PLEKHG3: variants seen among roughly 807,000 people sequenced by gnomAD.
The protein encoded by PLEKHG3 is pleckstrin homology domain-containing family G member 3.
Under a neutral mutation model 94.9 loss-of-function variants are expected in PLEKHG3, and 62 were observed. The observed-to-expected ratio is 0.65, with a 90% CI of 0.53 to 0.81. The LOEUF (loss-of-function observed/expected upper bound fraction) is 0.81. Among genes scored for constraint, PLEKHG3 ranks in the 30% least tolerant of loss-of-function variants. The probability of loss-of-function intolerance (pLI) is 0.00; values close to 1 mark genes in which losing one functional copy is unlikely to be tolerated. For missense variants in PLEKHG3, 1,461 were observed against 1,619.3 expected (o/e 0.90, Z 1.68); for synonymous variants, 614 against 654.0 (o/e 0.94, Z 0.93).
At position 64,750,108 on chromosome 14, in the gene PLEKHG3, A is replaced by T; in HGVS notation, c.*6405A>T. ...GCCAGGTTCTTGGCATCCTTGTAGA[A>T]GGTTAGCTCACTGTTCCTGAGCACA... is the stretch of plus-strand genomic sequence containing the variant. On this transcript the variant is annotated 3_prime_UTR_variant, in exon 17 of 17. Transcript: ENST00000247226. 1 of 1,614,194 alleles carries T rather than the reference A, an allele frequency of 6.2e-7. No homozygotes were observed. The highest frequency in any genetic ancestry group is 1.1e-5 in the South Asian group (1 of 91,086).
At chr14:64,712,764 A>G (rs535441257) in intron 1 of PLEKHG3, among the ~76,000 whole-genome samples, 1 of 152,222 alleles carries the variant, frequency 6.6e-6, no homozygotes, top group Admixed American at 6.5e-5. Flanking sequence ...ATGAATAGAG[A>G]TTGTTTTATT....
At position 64,721,129 on chromosome 14, in the gene PLEKHG3, C is replaced by T. The variant is rs1002364544; in HGVS notation, c.-39-6464C>T. Among the ~76,000 whole-genome samples, 1 of 152,126 alleles carries T rather than the reference C, an allele frequency of 6.6e-6. No homozygotes were observed. Among genetic ancestry groups the T allele is most frequent in the Admixed American group, 6.5e-5 (1 of 15,280 alleles). ...GGTTGAGGGTCAGGCTGTAGATATC[C>T]TTGGGTGGGGGCATTATTCAGCTTA... On this transcript the variant is annotated intron_variant, in intron 1 of 16. Coordinates refer to ENST00000247226, the MANE Select transcript of PLEKHG3 (RefSeq NM_001308147.2). This position sits in a 1 kb window ranked among gnomAD's most constrained non-coding sequence, Gnocchi z 4.3.
At chr14:64,712,410 TTTG>T (rs1045415275) in intron 1 of PLEKHG3, among the ~76,000 whole-genome samples, 2 of 152,214 alleles carry the variant, frequency 1.3e-5, no homozygotes, top group African/African-American at 4.8e-5. Context: ...TTTAGATTGG[TTTG>T]TTGAGTATTG....
chr14:64,741,365 G>A lies in PLEKHG3; in HGVS notation c.1848G>A (p.Arg616=). 5.6e-6 allele frequency: 9 copies of A among 1,613,494 alleles called. No homozygotes were observed. Among genetic ancestry groups the A allele is most frequent in the South Asian group, 2.2e-5 (2 of 91,080 alleles). Residue 616 remains arginine (R), a synonymous_variant, in exon 16 of 17, where the codon CGG becomes CGA. Coordinates refer to ENST00000247226, the MANE Select transcript of PLEKHG3 (RefSeq NM_001308147.2). ...AERFVSSFSR[R]SSVAQEDSKS... ...GATTTGTCAGCAGCTTCTCTCGGCG[G>A]AGCAGCGTGGCACAGGAGGACAGCA...
chr14:64,732,055 A>G lies in PLEKHG3; in HGVS notation c.1126-40A>G, dbSNP rs2081477501. On this transcript the variant is annotated intron_variant, in intron 9 of 16. Transcript: ENST00000247226. The surrounding 1 kb of genome is among the most constrained non-coding windows in gnomAD (Gnocchi z 4.9). Reference sequence around the variant, plus strand: ...CCATGCTAGACAGCTTCAGGCCTGTAATGATAACCACTGGGTCCCTTTCCC... The same window carrying G: ...CCATGCTAGACAGCTTCAGGCCTGTGATGATAACCACTGGGTCCCTTTCCC... 1 of 1,438,252 alleles carries G rather than the reference A, an allele frequency of 7.0e-7. No homozygotes were observed. Among genetic ancestry groups the G allele is most frequent in the African/African-American group, 1.4e-5 (1 of 71,664 alleles). The allele number at this position is 1,438,252 out of a possible 1,614,324, so 89.1% of individuals were successfully genotyped here.
At chr14:64,729,652 C>T (rs542248658) in intron 3 of PLEKHG3, among the ~76,000 whole-genome samples, 48 of 152,220 alleles carry the variant, frequency 3.2e-4, no homozygotes, top group African/African-American at 9.6e-4. Context: ...GAGGGAACAG[C>T]GGTGCTAGGA....
In PLEKHG3 at chr14:64,725,865, A is replaced by C. The variant is rs912798350; in HGVS notation, c.-39-1728A>C. ...GGCGCTTGATCTGTACCTCAGTAAA[A>C]GCATCAGTTTGTTCACCATTGTTGT... On this transcript the variant is annotated intron_variant, in intron 1 of 16. Transcript: ENST00000247226. This position sits in a 1 kb window ranked among gnomAD's most constrained non-coding sequence, Gnocchi z 5.0. Among the ~76,000 whole-genome samples the C allele has an allele frequency of 6.6e-6, 1 of 152,330 alleles. No individual in the cohort carries two copies. The highest frequency in any genetic ancestry group is 1.5e-5 in the Non-Finnish European group (1 of 68,036).
chr14:64,727,710 G>C lies in PLEKHG3; in HGVS notation c.79G>C (p.Gly27Arg). The change falls in exon 2 of 17, where the codon GGC (glycine) becomes CGC (arginine). Residue 27 changes from glycine (G) to arginine (R), a missense_variant. By Grantham distance (125) the Gly-to-Arg change is moderately radical. Transcript: ENST00000247226. The surrounding 1 kb of genome is among the most constrained non-coding windows in gnomAD (Gnocchi z 6.0). ...CCTGACCTCTACCACCTCCTCGTCG[G>C]GCTCCTCCTGTGACAGTCGCAGTGC... ...VSLTSTTSSSGSSCDSRSAME... is the reference protein window; with the variant it reads ...VSLTSTTSSSRSSCDSRSAME... The C allele has an allele frequency of 6.2e-7, 1 of 1,612,310 alleles. No homozygotes were observed. Among genetic ancestry groups the C allele is most frequent in the Non-Finnish European group, 8.5e-7 (1 of 1,179,648 alleles).
At chr14:64,734,869 C>T (rs1369989424) in intron 12 of PLEKHG3, among the ~76,000 whole-genome samples, 1 of 151,878 alleles carries the variant, frequency 6.6e-6, no homozygotes, top group African/African-American at 2.4e-5. Flanking sequence ...TACAGGCACG[C>T]GTCACCACGC....
In PLEKHG3 at chr14:64,730,775, G is replaced by A. The variant is rs2081442959; in HGVS notation, c.567-24G>A. On this transcript the variant is annotated intron_variant, in intron 5 of 16. Transcript: ENST00000247226. This position sits in a 1 kb window ranked among gnomAD's most constrained non-coding sequence, Gnocchi z 5.4. ...CTCATCCAGGCCTTCCCCAGGTGGT[G>A]ACTGGCCCTTCTCCCACTCCCAGCT... 2 of 1,612,408 alleles carry A rather than the reference G, an allele frequency of 1.2e-6. No homozygotes were observed. Among genetic ancestry groups the A allele is most frequent in the African/African-American group, 1.3e-5 (1 of 75,022 alleles).
In PLEKHG3 at chr14:64,739,900, A is replaced by G. The variant is rs2081652431; in HGVS notation, c.1518+1045A>G. ...GCCTCCACATGGCAATTTTAGAGAT[A>G]CACAGACATTCAGAGCAGAGCAAAT... On this transcript the variant is annotated intron_variant, in intron 15 of 16. Transcript: ENST00000247226. The surrounding 1 kb of genome is among the most constrained non-coding windows in gnomAD (Gnocchi z 4.1). 1.3e-5 allele frequency among the ~76,000 whole-genome samples: 2 copies of G among 152,230 alleles called. No individual in the cohort carries two copies. Among genetic ancestry groups the G allele is most frequent in the African/African-American group, 4.8e-5 (2 of 41,454 alleles).
chr14:64,730,263 A>C lies in PLEKHG3; in HGVS notation c.470A>C (p.Asp157Ala). The part of the protein sequence containing the change: ...ALNSQLLRDL[D>A]SCNSDPVAVA... Reference sequence around the variant, plus strand: ...CCCAGCCAGCTCCTCAGAGACCTGGACAGCTGCAATAGTGACCCCGTGGCT... The same window carrying C: ...CCCAGCCAGCTCCTCAGAGACCTGGCCAGCTGCAATAGTGACCCCGTGGCT... Residue 157 changes from aspartate (D) to alanine (A), a missense_variant, in exon 4 of 17, where the codon GAC becomes GCC. Transcript: ENST00000247226. The surrounding 1 kb of genome is among the most constrained non-coding windows in gnomAD (Gnocchi z 5.4). The C allele has an allele frequency of 6.5e-7, 1 of 1,534,558 alleles. No homozygotes were observed. Among genetic ancestry groups the C allele is most frequent in the Non-Finnish European group, 8.7e-7 (1 of 1,145,504 alleles).
intron 3 of PLEKHG3, 121 bp downstream of exon 3, chr14:64,729,214 C>A (rs1397541555): frequency 8.9e-6 from 5 of 563,194 alleles, no homozygotes; most frequent in African/African-American, 7.6e-5. Context: ...GGGGCCTGAT[C>A]TCTGAGGACA....
intron 12 of PLEKHG3, among the ~76,000 whole-genome samples, chr14:64,733,158 CTTTTTCTTTTT>C (rs1294119886): frequency 7.3e-6 from 1 of 136,482 alleles, no homozygotes; most frequent in Non-Finnish European, 1.5e-5. Flanking sequence ...CTTTTCTTTT[CTTTTTCTTTTT>C]TTTTTTTTTT....
In PLEKHG3 at chr14:64,748,828, T is replaced by G. The variant is rs1054401757; in HGVS notation, c.*5125T>G. 5 of 169,088 alleles carry G rather than the reference T, an allele frequency of 3.0e-5. No individual in the cohort carries two copies. Among genetic ancestry groups the G allele is most frequent in the African/African-American group, 9.7e-5 (4 of 41,430 alleles). The allele number at this position is 169,088 out of a possible 1,614,324, so 10.5% of individuals were successfully genotyped here. On this transcript the variant is annotated 3_prime_UTR_variant, in exon 17 of 17. Coordinates refer to ENST00000247226, the MANE Select transcript of PLEKHG3 (RefSeq NM_001308147.2). ...GGGCTGGCCATGCATTTCCAGTGTCTTCTTCCTTTCCCCTTTCCCTGGCTG... is the reference window on the plus strand; with the variant it reads ...GGGCTGGCCATGCATTTCCAGTGTCGTCTTCCTTTCCCCTTTCCCTGGCTG...
In PLEKHG3 at chr14:64,749,277, G is replaced by A. The variant is rs756408647; in HGVS notation, c.*5574G>A. 2.7e-5 allele frequency: 42 copies of A among 1,552,814 alleles called. No homozygotes were observed. In the South Asian group the frequency reaches 3.3e-4, roughly 12 times the overall value. On this transcript the variant is annotated 3_prime_UTR_variant, in exon 17 of 17. Coordinates refer to ENST00000247226, the MANE Select transcript of PLEKHG3 (RefSeq NM_001308147.2). This position sits in a 1 kb window ranked among gnomAD's most constrained non-coding sequence, Gnocchi z 4.7. ...GGGCTGCCCGGTCTCTGCGCGTCCC[G>A]ACTCCGCCGCGCCCGCCAGCCCCAC...
In PLEKHG3 at chr14:64,741,784, G is replaced by A. The variant is rs907761393; in HGVS notation, c.2267G>A (p.Arg756Lys). The A allele has an allele frequency of 6.2e-7, 1 of 1,613,494 alleles. No individual in the cohort carries two copies. Among genetic ancestry groups the A allele is most frequent in the Admixed American group, 1.7e-5 (1 of 60,014 alleles). The change falls in exon 16 of 17, where the codon AGG becomes AAG. Residue 756 changes from arginine (R) to lysine (K), a missense_variant. Arg to Lys is a conservative substitution (Grantham distance 26). Transcript: ENST00000247226. ...PKGLVRNSIS[R>K]FNSLPRPDPE... is the part of the protein sequence containing the mutation. ...GGACTGGTAAGAAACTCCATCTCCA[G>A]GTTCAACAGCCTTCCCCGGCCAGAC...
Position 64,732,872 on chromosome 14 carries a change from C to A in PLEKHG3, c.1316C>A (p.Thr439Asn), listed in dbSNP as rs553183358. ...TGGTCCTCCCAGGATGAGGTGTCCACCAATGTGCGCCAGGGGCGCCGGCAA... is the reference window on the plus strand; with the variant it reads ...TGGTCCTCCCAGGATGAGGTGTCCAACAATGTGCGCCAGGGGCGCCGGCAA... ...KAWSSQDEVS[T>N]NVRQGRRQSE... Residue 439 changes from threonine (T) to asparagine (N), a missense_variant, in exon 12 of 17, where the codon ACC (threonine) becomes AAC (asparagine). By Grantham distance (65) the Thr-to-Asn change is moderately conservative (BLOSUM62 0). Transcript: ENST00000247226. The surrounding 1 kb of genome is among the most constrained non-coding windows in gnomAD (Gnocchi z 4.9). 6.2e-7 allele frequency: 1 copy of A among 1,609,640 alleles called. No individual in the cohort carries two copies. The highest frequency in any genetic ancestry group is 1.3e-5 in the African/African-American group (1 of 75,038).
chr14:64,731,255 G>T lies in PLEKHG3; in HGVS notation c.849+86G>T. The T allele has an allele frequency of 6.9e-7, 1 of 1,455,460 alleles. No individual in the cohort carries two copies. The highest frequency in any genetic ancestry group is 1.7e-5 in the Admixed American group (1 of 57,690). The allele number at this position is 1,455,460 out of a possible 1,614,324, so 90.2% of individuals were successfully genotyped here. ...GAAGAGGGACTGTGGCCACCCTGCT[G>T]GGATGAGCTGGGCAGTGGCATTGGG... On this transcript the variant is annotated intron_variant, in intron 7 of 16. Coordinates refer to ENST00000247226, the MANE Select transcript of PLEKHG3 (RefSeq NM_001308147.2). The surrounding 1 kb of genome is among the most constrained non-coding windows in gnomAD (Gnocchi z 6.1).
Sources: gnomAD v4.1 joint callset for allele counts (sites outside exome capture counted in the v4.1 genomes callset) on GRCh38, gnomAD v4.1.1 for gene constraint, Gnocchi (gnomAD v3.1) non-coding constraint, MANE v1.5 for transcripts, NCBI Gene and HGNC (gene_info 2026-07-23, HGNC 2026-07-21) for gene names.